The following SMCO4 variants were observed in gnomAD, a reference collection of about 807,000 sequenced individuals.
SMCO4 encodes the protein single-pass membrane protein with coiled-coil domains 4, also known as single-pass membrane and coiled-coil domain-containing protein 4.
In SMCO4, 4 loss-of-function variants were observed where a neutral mutation model predicts 3.6. The ratio of observed to expected loss-of-function variants is 1.11; its 90% CI spans 0.54 to 2.53. SMCO4 has a LOEUF of 2.53. Ranked by LOEUF, SMCO4 falls within the 30% of genes most tolerant of loss-of-function variation. The pLI is 0.02. For missense variants in SMCO4, 70 were observed against 80.8 expected (o/e 0.87, Z 0.51); for synonymous variants, 36 against 35.3 (o/e 1.02, Z -0.07).
At chr11:93,496,724 C>T (rs372871553) in intron 2 of SMCO4, among the ~76,000 whole-genome samples, 6 of 152,274 alleles carry the variant, frequency 3.9e-5, no homozygotes, top group African/African-American at 1.4e-4. Flanking sequence ...AATGCAGATC[C>T]AGCTTTGGGG....
intron 1 of SMCO4, among the ~76,000 whole-genome samples, chr11:93,542,534 T>C (rs1949279395): frequency 6.6e-6 from 1 of 152,168 alleles, no homozygotes; most frequent in African/African-American, 2.4e-5. Context: ...CTGAGGTGAA[T>C]CTGGCCGCTG....
At chr11:93,551,055 G>A in the SMCO4 span, among the ~76,000 whole-genome samples, 5 of 152,050 alleles carry the variant, frequency 3.3e-5, no homozygotes, top group East Asian at 1.9e-4. Flanking sequence ...ATGTATTTAC[G>A]GAACACCTAG....
the SMCO4 span, among the ~76,000 whole-genome samples, chr11:93,549,944 TTAAG>T: frequency 0.074 from 11,317 of 152,298 alleles, 528 homozygotes; most frequent in Non-Finnish European, 0.11. Flanking sequence ...TTCTTGGAAA[TTAAG>T]TAAGCATGCC....
chr11:93,529,502 G>A (rs539954486), intron 1 of SMCO4, among the ~76,000 whole-genome samples: 3 of 152,244 alleles, frequency 2.0e-5, no homozygotes, highest in African/African-American at 7.2e-5. Flanking sequence ...CAAGCAGGCT[G>A]CTTCTGGCAC....
upstream of SMCO4, among the ~76,000 whole-genome samples, chr11:93,546,621 C>T (rs1949317401): frequency 6.6e-6 from 1 of 152,190 alleles, no homozygotes; most frequent in Non-Finnish European, 1.5e-5. Flanking sequence ...ATCCAAGGTC[C>T]TGGAGCTGGC....
intron 2 of SMCO4, among the ~76,000 whole-genome samples, chr11:93,481,043 A>AG (rs1434418628): frequency 5.8e-5 from 1 of 17,372 alleles, no homozygotes; most frequent in African/African-American, 1.4e-4. Flanking sequence ...GAACAGAGAG[A>AG]AAAAAAAAAA....
In SMCO4 at chr11:93,499,280, T is replaced by G. The variant is rs540276038; in HGVS notation, c.-85A>C. On this transcript the variant is annotated 5_prime_UTR_variant, in exon 2 of 3. Coordinates refer to ENST00000298966, the MANE Select transcript of SMCO4 (RefSeq NM_020179.3). Reference sequence around the variant, plus strand: ...CCCTTATAAGAGAATGTTTACCTTTTCTTCAACTTCAAGAATCGTTGATTA... The same window carrying G: ...CCCTTATAAGAGAATGTTTACCTTTGCTTCAACTTCAAGAATCGTTGATTA... 2 of 152,384 alleles carry G rather than the reference T, an allele frequency of 1.3e-5. No individual in the cohort carries two copies. The highest frequency in any genetic ancestry group is 4.1e-4 in the South Asian group (2 of 4,832). The allele number at this position is 152,384 out of a possible 1,614,324, so 9.4% of individuals were successfully genotyped here.
At chr11:93,502,326 TC>T (rs1262764015) in intron 1 of SMCO4, among the ~76,000 whole-genome samples, 3 of 151,670 alleles carry the variant, frequency 2.0e-5, no homozygotes, top group Non-Finnish European at 4.4e-5. Context: ...CCAACAGCCC[TC>T]CCCCTACCCT....
chr11:93,498,130 C>G (rs1948796273), intron 2 of SMCO4, among the ~76,000 whole-genome samples: 1 of 152,172 alleles, frequency 6.6e-6, no homozygotes, highest in Non-Finnish European at 1.5e-5. Context: ...CAAACCCAGA[C>G]AACAATGTGC....
intron 1 of SMCO4, among the ~76,000 whole-genome samples, chr11:93,528,051 ATAAT>A (rs201883091): frequency 0.028 from 4,221 of 152,174 alleles, 75 homozygotes; most frequent in Middle Eastern, 0.051. Flanking sequence ...CTAATAAATA[ATAAT>A]TAATTATCAT....
At chr11:93,528,678 G>A (rs1310260515) in intron 1 of SMCO4, among the ~76,000 whole-genome samples, 1 of 152,156 alleles carries the variant, frequency 6.6e-6, no homozygotes, top group African/African-American at 2.4e-5. Flanking sequence ...GTGGAGAGGT[G>A]AAGGGAGACC....
chr11:93,493,342 C>T (rs949995812), intron 2 of SMCO4, among the ~76,000 whole-genome samples: 1 of 152,096 alleles, frequency 6.6e-6, no homozygotes. Context: ...GAGAGCTCTC[C>T]CAGTCACCTT....
chr11:93,543,665 A>G (rs1016237860), upstream of SMCO4, among the ~76,000 whole-genome samples: 4 of 152,156 alleles, frequency 2.6e-5, no homozygotes, highest in Admixed American at 6.5e-5. Context: ...CCTTGTTGAT[A>G]TATTTCCTGC....
chr11:93,497,920 A>G (rs1261824721), intron 2 of SMCO4, among the ~76,000 whole-genome samples: 1 of 152,076 alleles, frequency 6.6e-6, no homozygotes, highest in African/African-American at 2.4e-5. Context: ...GACCAATTAA[A>G]CTGATTTTCT....
At chr11:93,479,456 G>A (rs538930560) in intron 2 of SMCO4, among the ~76,000 whole-genome samples, 187 bp from the exon 3 acceptor site, 3 of 152,202 alleles carry the variant, frequency 2.0e-5, no homozygotes, top group Non-Finnish European at 2.9e-5. Flanking sequence ...CTGGGTCACC[G>A]GTGTGCTGTG....
At chr11:93,516,450 A>G (rs1444238402) in intron 1 of SMCO4, among the ~76,000 whole-genome samples, 3 of 152,246 alleles carry the variant, frequency 2.0e-5, no homozygotes, top group Non-Finnish European at 2.9e-5. Flanking sequence ...AATATATAAA[A>G]GGTGCTAATT....
intron 1 of SMCO4, among the ~76,000 whole-genome samples, chr11:93,504,281 T>G (rs1406264833): frequency 6.6e-6 from 1 of 152,208 alleles, no homozygotes; most frequent in Non-Finnish European, 1.5e-5. Flanking sequence ...TACATGTCAT[T>G]CCCTAAATGA....
intron 1 of SMCO4, among the ~76,000 whole-genome samples, chr11:93,504,636 A>C (rs898756553): frequency 6.6e-6 from 1 of 151,982 alleles, no homozygotes; most frequent in African/African-American, 2.4e-5. Flanking sequence ...CTGTCGCAAA[A>C]CCCTCCTGCT....
intron 1 of SMCO4, among the ~76,000 whole-genome samples, chr11:93,511,746 T>C (rs1948959159): frequency 6.6e-6 from 1 of 152,070 alleles, no homozygotes; most frequent in Non-Finnish European, 1.5e-5. Flanking sequence ...AATGGATAAA[T>C]GAATGAATAC....
Sources: gnomAD v4.1 joint callset for allele counts (sites outside exome capture counted in the v4.1 genomes callset) on GRCh38, gnomAD v4.1.1 for gene constraint, MANE v1.5 for transcripts, NCBI Gene and HGNC (gene_info 2026-07-23, HGNC 2026-07-21) for gene names.